Variants in MZT2B observed in about 807,000 individuals in gnomAD.
MZT2B encodes the protein mitotic-spindle organizing protein 2B.
In MZT2B, 11 loss-of-function variants were observed where a neutral mutation model predicts 12.1. The observed-to-expected ratio is 0.91, with a 90% CI of 0.57 to 1.50. The LOEUF (loss-of-function observed/expected upper bound fraction) is 1.50. Ranked by LOEUF, MZT2B falls within the 40% of genes most tolerant of loss-of-function variation. The pLI is 0.00. For synonymous variants in MZT2B, 85 were observed against 109.5 expected (o/e 0.78, Z 1.40); for missense variants, 209 against 227.7 (o/e 0.92, Z 0.53).
rs1008481379 is a variant in MZT2B, at chr2:130,190,672, A to G, written c.*46A>G. On this transcript the variant is annotated 3_prime_UTR_variant, in exon 3 of 3. Transcript: ENST00000281871. Reference sequence around the variant, plus strand: ...CATCTTTGTCCCCAGCAAAGGCTACATGTTACCTCCTTCAATTGATAATAA... The same window carrying G: ...CATCTTTGTCCCCAGCAAAGGCTACGTGTTACCTCCTTCAATTGATAATAA... 1.3e-6 allele frequency: 2 copies of G among 1,568,626 alleles called. No homozygotes were observed. Among genetic ancestry groups the G allele is most frequent in the Admixed American group, 1.8e-5 (1 of 55,352 alleles).
At chr2:130,187,937 CG>C (rs1269911235) in intron 2 of MZT2B, among the ~76,000 whole-genome samples, 34 of 151,856 alleles carry the variant, frequency 2.2e-4, no homozygotes, top group African/African-American at 4.4e-4. Context: ...CCAGCTACAT[CG>C]GAGGCTGAGG....
At chr2:130,190,741 GTT>G, downstream of MZT2B, 13 of 1,215,580 alleles carry the variant, frequency 1.1e-5, no homozygotes, top group African/African-American at 9.4e-5. Context: ...GTTGTCTACC[GTT>G]TTTTTTTTTT....
chr2:130,201,630 C>T, the MZT2B span, among the ~76,000 whole-genome samples: 10 of 152,208 alleles, frequency 6.6e-5, no homozygotes, highest in African/African-American at 2.2e-4. Context: ...TTCCTCAGGG[C>T]TCCAACCACA....
chr2:130,182,546 G>A, intron 1 of MZT2B, 81 bp from the exon 2 acceptor site: 1 of 1,558,534 alleles, frequency 6.4e-7, no homozygotes, highest in Non-Finnish European at 8.7e-7. Flanking sequence ...AGGAGCCCCC[G>A]CCCCCGTCCT....
chr2:130,203,789 G>T, the MZT2B span, among the ~76,000 whole-genome samples: 1 of 152,064 alleles, frequency 6.6e-6, no homozygotes, highest in Non-Finnish European at 1.5e-5. Flanking sequence ...TTCTGCTTCT[G>T]CTTCTTCTTG....
intron 2 of MZT2B, chr2:130,184,191 C>G: frequency 6.9e-7 from 1 of 1,440,578 alleles, no homozygotes; most frequent in Non-Finnish European, 9.1e-7. Flanking sequence ...GGGGACAGGA[C>G]CAACACCCCC....
chr2:130,181,833 A>G (rs1284354873), upstream of MZT2B: 1 of 1,543,322 alleles, frequency 6.5e-7, no homozygotes, highest in Non-Finnish European at 8.7e-7. Context: ...GCGTGCGCGT[A>G]AGCAGTATTG....
chr2:130,194,994 T>G, downstream of MZT2B: 3 of 1,578,766 alleles, frequency 1.9e-6, no homozygotes, highest in Non-Finnish European at 2.6e-6. Flanking sequence ...CTGGTCTAAG[T>G]GTTGATAAAA....
the MZT2B span, among the ~76,000 whole-genome samples, chr2:130,199,779 G>A: frequency 1.4e-4 from 10 of 70,882 alleles, 3 homozygotes; most frequent in African/African-American, 4.7e-4. Flanking sequence ...CCTAGCCTGA[G>A]GAATTTATAT....
At chr2:130,184,150 G>T in intron 2 of MZT2B, 1 of 1,485,514 alleles carries the variant, frequency 6.7e-7, no homozygotes, top group Non-Finnish European at 8.9e-7. Flanking sequence ...TAGTGTGGCA[G>T]TCTCTAGACC....
At chr2:130,187,534 C>T (rs1416710022) in intron 2 of MZT2B, among the ~76,000 whole-genome samples, 2 of 152,166 alleles carry the variant, frequency 1.3e-5, no homozygotes, top group Non-Finnish European at 2.9e-5. Flanking sequence ...CTATCTTTGG[C>T]GTTTAGGAGG....
chr2:130,191,753 A>T (rs2104745487), downstream of MZT2B: 1 of 1,555,852 alleles, frequency 6.4e-7, no homozygotes, highest in Non-Finnish European at 8.7e-7. Context: ...TCTTGGTTTT[A>T]TACAGAATCT....
chr2:130,187,921 G>A (rs1034709100), intron 2 of MZT2B, among the ~76,000 whole-genome samples: 3 of 152,092 alleles, frequency 2.0e-5, no homozygotes, highest in African/African-American at 4.8e-5. Flanking sequence ...CCCCATGCTT[G>A]TAGTCCCAGC....
chr2:130,182,175 G>T, upstream of MZT2B: 3 of 1,263,042 alleles, frequency 2.4e-6, no homozygotes, highest in Non-Finnish European at 3.0e-6. Flanking sequence ...CGCCCCTCCC[G>T]CCAGGGCAGC....
In MZT2B at chr2:130,183,216, A is replaced by G. The variant is rs186912645; in HGVS notation, c.319+441A>G. On this transcript the variant is annotated intron_variant, in intron 2 of 2. Transcript: ENST00000281871. ...TGTCTCTAAATGTTTTTCAAAAGAC[A>G]GTCTCGATCTCTGTCCTGTGGTATA... 2.4e-3 allele frequency: 665 copies of G among 273,072 alleles called. 2 individuals are homozygous for G. The highest frequency in any genetic ancestry group is 0.014 in the African/African-American group (622 of 43,840). The allele number at this position is 273,072 out of a possible 1,614,324, so 16.9% of individuals were successfully genotyped here.
downstream of MZT2B, among the ~76,000 whole-genome samples, chr2:130,191,035 C>T (rs1216055925): frequency 2.0e-5 from 3 of 151,978 alleles, no homozygotes; most frequent in Non-Finnish European, 4.4e-5. Context: ...CTACAAGCTC[C>T]GCCTCCTGGG....
downstream of MZT2B, among the ~76,000 whole-genome samples, chr2:130,192,297 C>T (rs2599739): frequency 1.3e-5 from 2 of 152,156 alleles, no homozygotes; most frequent in South Asian, 2.1e-4. Flanking sequence ...TAGTTCCAGA[C>T]GAGGAATAGA....
the MZT2B span, among the ~76,000 whole-genome samples, chr2:130,202,825 G>T: frequency 6.6e-6 from 1 of 152,136 alleles, no homozygotes; most frequent in African/African-American, 2.4e-5. Context: ...CGCTGCGCCT[G>T]ACACCAGTGA....
chr2:130,187,817 G>A (rs1294017324), intron 2 of MZT2B, among the ~76,000 whole-genome samples: 5 of 152,142 alleles, frequency 3.3e-5, no homozygotes, highest in African/African-American at 9.7e-5. Flanking sequence ...GATTTTCTTA[G>A]TATCAGTTAT....
Sources: gnomAD v4.1 joint callset for allele counts (sites outside exome capture counted in the v4.1 genomes callset) on GRCh38, gnomAD v4.1.1 for gene constraint, MANE v1.5 for transcripts, NCBI Gene and HGNC (gene_info 2026-07-23, HGNC 2026-07-21) for gene names.